Variants in ERAP1 observed in about 807,000 individuals in gnomAD.
ERAP1 encodes endoplasmic reticulum aminopeptidase 1.
ERAP1 carries 86 observed loss-of-function variants against 103.7 expected under a neutral mutation model. The observed-to-expected ratio is 0.83, with a 90% confidence interval of 0.70 to 0.99. ERAP1 has a LOEUF of 0.99. ERAP1 is among the 50% of genes least tolerant of loss of function. ERAP1 has a pLI of 0.00. For synonymous variants in ERAP1, 398 were observed against 402.4 expected, an observed-to-expected ratio of 0.99 and a Z score of 0.13; for missense variants, 1,009 against 1,128.4, an observed-to-expected ratio of 0.89 and a Z score of 1.52.
the ERAP1 span, among the ~76,000 whole-genome samples, chr5:96,816,968 G>A: frequency 0.23 from 35,449 of 152,086 alleles, 4,207 homozygotes; most frequent in East Asian, 0.28. Context: ...CATTCTGCTC[G>A]TGAGTTTTGG....
chr5:96,770,163 T>A (rs1771742693), downstream of ERAP1: 1 of 222,798 alleles, frequency 4.5e-6, no homozygotes, highest in Admixed American at 4.9e-5. Flanking sequence ...TCATAGCCCA[T>A]ACCAATCTAC....
the ERAP1 span, chr5:96,918,146 A>C: frequency 6.6e-6 from 1 of 152,376 alleles, no homozygotes; most frequent in Non-Finnish European, 1.5e-5. Context: ...AGGCCAGTTC[A>C]GTATCCTATT....
At chr5:96,828,966 C>T in the ERAP1 span, among the ~76,000 whole-genome samples, 2 of 152,100 alleles carry the variant, frequency 1.3e-5, no homozygotes, top group Admixed American at 1.3e-4. Flanking sequence ...CCTGCCTCAG[C>T]CTCCCCAGTA....
At chr5:96,795,226 A>G (rs1019014167) in intron 4 of ERAP1, 64 bp from the exon 5 acceptor site, 8 of 1,598,124 alleles carry the variant, frequency 5.0e-6, no homozygotes, top group South Asian at 1.1e-5. Flanking sequence ...CACATTGTGT[A>G]GAAGACTGAC....
the ERAP1 span, among the ~76,000 whole-genome samples, chr5:96,820,353 G>A: frequency 2.0e-4 from 30 of 152,162 alleles, no homozygotes; most frequent in Middle Eastern, 3.4e-3. Flanking sequence ...TGCTTGGAAC[G>A]TCAATACTGG....
chr5:96,923,231 A>C, the ERAP1 span, among the ~76,000 whole-genome samples: 2 of 152,130 alleles, frequency 1.3e-5, no homozygotes, highest in Non-Finnish European at 2.9e-5. Context: ...GGGCTCACAA[A>C]GGGCTAGAAT....
At chr5:96,776,858 G>A (rs1774397809) in intron 18 of ERAP1, 1 of 263,844 alleles carries the variant, frequency 3.8e-6, no homozygotes, top group Admixed American at 5.5e-5. Context: ...ATTCTGTTCT[G>A]TTCTCACAGA....
the ERAP1 span, among the ~76,000 whole-genome samples, chr5:96,849,105 T>C: frequency 6.6e-6 from 1 of 152,114 alleles, no homozygotes; most frequent in Non-Finnish European, 1.5e-5. Flanking sequence ...CTCAATAATA[T>C]AGGCATCAAA....
At chr5:96,874,780 T>C in the ERAP1 span, among the ~76,000 whole-genome samples, 339 of 152,348 alleles carry the variant, frequency 2.2e-3, no homozygotes, top group Non-Finnish European at 2.7e-3. Flanking sequence ...CATGGCAACA[T>C]GTGCTATTGG....
At chr5:96,879,237 T>C in the ERAP1 span, among the ~76,000 whole-genome samples, 1 of 152,110 alleles carries the variant, frequency 6.6e-6, no homozygotes, top group Non-Finnish European at 1.5e-5. Flanking sequence ...CATAAATAAA[T>C]AAACAAAAAT....
chr5:96,847,765 TTAAGA>T, the ERAP1 span, among the ~76,000 whole-genome samples: 6 of 152,084 alleles, frequency 3.9e-5, no homozygotes, highest in African/African-American at 1.4e-4. Context: ...AAAAGATATC[TTAAGA>T]TAAGCAAAAA....
intron 3 of ERAP1, among the ~76,000 whole-genome samples, chr5:96,799,080 G>T (rs1457221709): frequency 6.6e-6 from 1 of 151,592 alleles, no homozygotes; most frequent in Admixed American, 6.6e-5. Flanking sequence ...TGGCCAGGCT[G>T]GTCTTGAACT....
upstream of ERAP1, among the ~76,000 whole-genome samples, chr5:96,809,350 G>A (rs1187522636): frequency 6.6e-6 from 1 of 152,154 alleles, no homozygotes; most frequent in Admixed American, 6.5e-5. Context: ...AGTTGCTCTG[G>A]TTCAAACGTC....
At chr5:96,786,089 A>T (rs1775954884) in intron 12 of ERAP1, 118 bp from the exon 13 acceptor site, 7 of 938,432 alleles carry the variant, frequency 7.5e-6, no homozygotes, top group Non-Finnish European at 1.2e-5. Context: ...ATTTGAAAAC[A>T]TCACTTATTT....
exon 20 of ERAP1, chr5:96,761,633 TG>T (rs1767993166): frequency 6.6e-6 from 1 of 152,304 alleles, no homozygotes; most frequent in Non-Finnish European, 1.5e-5. Flanking sequence ...TAAGTTTTTT[TG>T]TCAAAAGGGA....
chr5:96,780,319 C>T lies in ERAP1; in HGVS notation c.2670+104G>A, dbSNP rs889574353. The stretch of plus-strand genomic sequence containing the variant: ...CCAAAAATAACTTCTAAATGACAAT[C>T]CATTTCTAACTCACCACACCCTCAA... On this transcript the variant is annotated intron_variant, in intron 18 of 18. Coordinates refer to ENST00000443439, the MANE Select transcript of ERAP1 (RefSeq NM_001040458.3). 6 of 795,096 alleles carry T rather than the reference C, an allele frequency of 7.5e-6. No individual in the cohort carries two copies. In the African/African-American group the frequency reaches 1.1e-4, roughly 15 times the overall value. The allele number at this position is 795,096 out of a possible 1,614,324, so 49.3% of individuals were successfully genotyped here.
intron 13 of ERAP1, chr5:96,785,328 A>C (rs1255988075): frequency 1.5e-5 from 3 of 202,220 alleles, no homozygotes; most frequent in African/African-American, 4.7e-5. Flanking sequence ...AAGAAAAAAA[A>C]ATCCCTTCTT....
At chr5:96,850,936 C>T in the ERAP1 span, among the ~76,000 whole-genome samples, 1 of 152,110 alleles carries the variant, frequency 6.6e-6, no homozygotes, top group Non-Finnish European at 1.5e-5. Context: ...GTTAACATCC[C>T]AGGGTACACA....
At chr5:96,817,226 A>C in the ERAP1 span, among the ~76,000 whole-genome samples, 1 of 152,160 alleles carries the variant, frequency 6.6e-6, no homozygotes, top group Non-Finnish European at 1.5e-5. Context: ...GTCCCAGGGC[A>C]CAGAGCAGGA....
Sources: allele counts gnomAD v4.1 joint callset (sites outside exome capture counted in the v4.1 genomes callset), GRCh38; gene constraint gnomAD v4.1.1; transcripts MANE v1.5; gene names NCBI Gene and HGNC (gene_info 2026-07-23, HGNC 2026-07-21).